Variants in SLC35A3 observed in about 807,000 individuals in gnomAD.
SLC35A3 encodes the protein UDP-N-acetylglucosamine transporter.
A neutral mutation model predicts 39.0 loss-of-function variants in SLC35A3; 26 were observed. That is an observed-to-expected ratio of 0.67 (90% CI 0.49 to 0.92). The LOEUF is 0.92. Ranked by LOEUF, SLC35A3 falls within the 40% of genes least tolerant of loss-of-function variation. The pLI is 0.00. For synonymous variants in SLC35A3, 135 were observed against 133.1 expected (o/e 1.01, Z -0.10); for missense variants, 299 against 371.6 (o/e 0.80, Z 1.61).
At chr1:99,991,293 C>T (rs576156254) in intron 1 of SLC35A3, among the ~76,000 whole-genome samples, 10 of 152,128 alleles carry the variant, frequency 6.6e-5, no homozygotes, top group Admixed American at 2.6e-4. Flanking sequence ...TACAGGTGCC[C>T]GCCACCATGC....
At chr1:100,007,448 A>C in intron 4 of SLC35A3, 1 of 205,608 alleles carries the variant, frequency 4.9e-6, no homozygotes, top group South Asian at 1.0e-4. Flanking sequence ...TATCTGTAGC[A>C]TTTGAGATTA....
intron 1 of SLC35A3, chr1:99,993,013 G>A (rs1031641217): frequency 1.3e-5 from 2 of 152,688 alleles, no homozygotes; most frequent in East Asian, 1.9e-4. Flanking sequence ...GGTCAGTAAA[G>A]TTCTTTCTTG....
intron 6 of SLC35A3, 39 bp from the exon 7 acceptor site, chr1:100,017,643 T>G (rs1459110282): frequency 2.9e-6 from 4 of 1,389,300 alleles, no homozygotes. Flanking sequence ...AATGCAGTTT[T>G]ACATGTGTGT....
At chr1:99,980,864 T>C (rs966064308) in intron 1 of SLC35A3, among the ~76,000 whole-genome samples, 6 of 152,338 alleles carry the variant, frequency 3.9e-5, no homozygotes, top group African/African-American at 1.2e-4. Flanking sequence ...TAAATTACTT[T>C]CTACTTATTT....
intron 2 of SLC35A3, among the ~76,000 whole-genome samples, chr1:99,996,438 T>C (rs1658402726): frequency 6.6e-6 from 1 of 152,064 alleles, no homozygotes; most frequent in African/African-American, 2.4e-5. Flanking sequence ...GCATGGCAGA[T>C]AAATACATAA....
Position 100,025,189 on chromosome 1 carries a change from A to C in SLC35A3, c.*2713A>C, listed in dbSNP as rs999456963. 6.6e-6 allele frequency: 1 copy of C among 152,428 alleles called. No individual in the cohort carries two copies. Among genetic ancestry groups the C allele is most frequent in the Admixed American group, 6.5e-5 (1 of 15,290 alleles). The allele number at this position is 152,428 out of a possible 1,614,324, so 9.4% of individuals were successfully genotyped here. A position where few individuals can be genotyped will look rare whatever the true frequency, so the allele number is the denominator to read the frequency against. On this transcript the variant is annotated 3_prime_UTR_variant, in exon 8 of 8. Coordinates refer to ENST00000533028, the MANE Select transcript of SLC35A3 (RefSeq NM_012243.3). ...CAATAATATTTAGACTTACATTATT[A>C]CTTACTGCTAAGTAAAATCTAAATC...
intron 1 of SLC35A3, among the ~76,000 whole-genome samples, chr1:99,983,847 T>G (rs1372348441): frequency 1.3e-5 from 2 of 152,076 alleles, no homozygotes; most frequent in East Asian, 3.9e-4. Context: ...GGTCTCAAAC[T>G]CCTGACTGCG....
intron 6 of SLC35A3, among the ~76,000 whole-genome samples, chr1:100,015,979 T>A (rs776936063): frequency 6.6e-6 from 1 of 152,166 alleles, no homozygotes; most frequent in Non-Finnish European, 1.5e-5. Context: ...CTAGAGATAT[T>A]TGAAGCCTAG....
At chr1:100,001,093 C>T (rs1658758640) in intron 3 of SLC35A3, among the ~76,000 whole-genome samples, 1 of 151,988 alleles carries the variant, frequency 6.6e-6, no homozygotes, top group Non-Finnish European at 1.5e-5. Context: ...AAATTCCATG[C>T]TATTTTGGTT....
At chr1:100,009,568 C>T (rs941935247) in intron 4 of SLC35A3, 1 of 152,234 alleles carries the variant, frequency 6.6e-6, no homozygotes, top group Non-Finnish European at 1.5e-5. Context: ...TCAGAGAAAT[C>T]CTATAGGCAT....
rs1162904449 is a variant in SLC35A3 at position 100,027,085 on chromosome 1, TC to T, written c.*4610del. 2.8e-5 allele frequency: 11 copies of T among 398,274 alleles called. No homozygotes were observed. Among genetic ancestry groups the T allele is most frequent in the Non-Finnish European group, 4.4e-5 (10 of 225,992 alleles). 24.7% of individuals were successfully genotyped at this position (398,274 alleles called of 1,614,324 possible). A position where few individuals can be genotyped will look rare whatever the true frequency, so the allele number is the denominator to read the frequency against. ...CAAAAATGAATTACTGATCTTTTTC[TC>T]TGGCTCTGTAGTATCTCTATCACTG... On this transcript the variant is annotated 3_prime_UTR_variant, in exon 8 of 8. Transcript: ENST00000533028.
At chr1:99,990,181 A>C (rs896808493) in intron 1 of SLC35A3, among the ~76,000 whole-genome samples, 16 of 152,142 alleles carry the variant, frequency 1.1e-4, no homozygotes, top group African/African-American at 3.9e-4. Flanking sequence ...CCTTGTTATT[A>C]TTGAATATTT....
At position 100,025,387 on chromosome 1, in the gene SLC35A3, TGTTA is replaced by T. The variant is rs1455887850; in HGVS notation, c.*2916_*2919del. The T allele has an allele frequency of 1.3e-5, 2 of 152,350 alleles. No individual in the cohort carries two copies. Among genetic ancestry groups the T allele is most frequent in the Non-Finnish European group, 2.9e-5 (2 of 68,024 alleles). 9.4% of individuals were successfully genotyped at this position (152,350 alleles called of 1,614,324 possible). ...ATACAAGCAAATTAGATATTAGACA[TGTTA>T]GTTACAATGGTAACACATTTTTAGG... On this transcript the variant is annotated 3_prime_UTR_variant, in exon 8 of 8. Coordinates refer to ENST00000533028, the MANE Select transcript of SLC35A3 (RefSeq NM_012243.3).
Position 100,033,340 on chromosome 1 carries a change from T to C in SLC35A3, c.*10864T>C, listed in dbSNP as rs754796812. ...TTTTCGAAAAGTTTTATATGAAAAG[T>C]GTACTCTGAAAAAATCTAGCTGTCA... On this transcript the variant is annotated 3_prime_UTR_variant, in exon 8 of 8. Coordinates refer to ENST00000533028, the MANE Select transcript of SLC35A3 (RefSeq NM_012243.3). 6.6e-6 allele frequency: 1 copy of C among 151,752 alleles called. No homozygotes were observed. Among genetic ancestry groups the C allele is most frequent in the Non-Finnish European group, 1.5e-5 (1 of 67,908 alleles). The allele number at this position is 151,752 out of a possible 1,614,324, so 9.4% of individuals were successfully genotyped here.
In SLC35A3 at chr1:100,019,196, G is replaced by C. The variant is rs765600306; in HGVS notation, c.887+1381G>C. Among the ~76,000 whole-genome samples, 4 of 151,144 alleles carry C rather than the reference G, an allele frequency of 2.6e-5. No individual in the cohort carries two copies. In the East Asian group the frequency reaches 7.7e-4, roughly 29 times the overall value. The stretch of plus-strand genomic sequence containing the variant: ...AAATTGAACCTTATGTAAGGCCGAG[G>C]TAATTAAATCTTTGAATTATGCAGA... On this transcript the variant is annotated intron_variant, in intron 7 of 7. Transcript: ENST00000533028.
In SLC35A3 at chr1:100,025,332, C is replaced by G. The variant is rs1314352804; in HGVS notation, c.*2856C>G. On this transcript the variant is annotated 3_prime_UTR_variant, in exon 8 of 8. Coordinates refer to ENST00000533028, the MANE Select transcript of SLC35A3 (RefSeq NM_012243.3). ...GCATTCACATTTAATCAGGTTTAGT[C>G]TGTTTCTATTTTAATAATTTTAAAA... is the stretch of plus-strand genomic sequence containing the variant. The G allele has an allele frequency of 6.6e-6, 1 of 152,084 alleles. No individual in the cohort carries two copies. Among genetic ancestry groups the G allele is most frequent in the Non-Finnish European group, 1.5e-5 (1 of 67,998 alleles). The allele number at this position is 152,084 out of a possible 1,614,324, so 9.4% of individuals were successfully genotyped here. A position where few individuals can be genotyped will look rare whatever the true frequency, so the allele number is the denominator to read the frequency against.
rs539844092 is a variant in SLC35A3, at chr1:99,970,481, G to T, written c.-19+319G>T. 7.9e-6 allele frequency: 10 copies of T among 1,262,696 alleles called. 1 individual carries two copies. The South Asian group carries it at 1.0e-4, about 13-fold the overall frequency. The allele number at this position is 1,262,696 out of a possible 1,614,324, so 78.2% of individuals were successfully genotyped here. A position where few individuals can be genotyped will look rare whatever the true frequency, so the allele number is the denominator to read the frequency against. ...GTGTGCCTCAGCGCCTGGTGCGTGCGGAGCTAGTGACGGGTGGGCCCGGCT... is the reference window on the plus strand; with the variant it reads ...GTGTGCCTCAGCGCCTGGTGCGTGCTGAGCTAGTGACGGGTGGGCCCGGCT... On this transcript the variant is annotated intron_variant, in intron 1 of 7. Coordinates refer to ENST00000533028, the MANE Select transcript of SLC35A3 (RefSeq NM_012243.3).
At chr1:100,000,518 T>C (rs545598436) in intron 3 of SLC35A3, 1 of 152,270 alleles carries the variant, frequency 6.6e-6, no homozygotes, top group South Asian at 2.1e-4. Flanking sequence ...ATTCTACAGA[T>C]TGTGTCTGTA....
At chr1:99,989,269 T>G (rs1657934642) in intron 1 of SLC35A3, among the ~76,000 whole-genome samples, 1 of 151,906 alleles carries the variant, frequency 6.6e-6, no homozygotes. Flanking sequence ...TGATAAAATA[T>G]CTTTGTTTTT....
Sources: allele counts gnomAD v4.1 joint callset (sites outside exome capture counted in the v4.1 genomes callset), GRCh38; gene constraint gnomAD v4.1.1; transcripts MANE v1.5; gene names NCBI Gene and HGNC (gene_info 2026-07-23, HGNC 2026-07-21).